LDB3: variants seen among roughly 807,000 people sequenced by gnomAD.
LDB3 encodes LIM domain binding 3, also known as LIM domain-binding protein 3.
Under a neutral mutation model 69.0 loss-of-function variants are expected in LDB3, and 49 were observed. The observed-to-expected ratio is 0.71, with a 90% CI of 0.56 to 0.90. The LOEUF (loss-of-function observed/expected upper bound fraction) is 0.90. Among genes scored for constraint, LDB3 ranks in the 40% least tolerant of loss-of-function variants. The pLI is 0.00. For missense variants in LDB3, 928 were observed against 974.1 expected, an observed-to-expected ratio of 0.95 and a Z score of 0.63; for synonymous variants, 387 against 396.2, an observed-to-expected ratio of 0.98 and a Z score of 0.28.
chr10:86,672,945 G>A (rs1564628870), intron 2 of LDB3, among the ~76,000 whole-genome samples: 1 of 152,212 alleles, frequency 6.6e-6, no homozygotes, highest in African/African-American at 2.4e-5. Flanking sequence ...AGGCTCTGCT[G>A]GGGGCTAGCT....
intron 8 of LDB3, among the ~76,000 whole-genome samples, chr10:86,708,090 A>G (rs1371541544): frequency 1.3e-5 from 2 of 152,246 alleles, no homozygotes; most frequent in Non-Finnish European, 2.9e-5. Context: ...GGCAGGCACC[A>G]GCACCAGGCT....
chr10:86,707,699 G>A (rs1432713584), intron 8 of LDB3, among the ~76,000 whole-genome samples: 1 of 152,182 alleles, frequency 6.6e-6, no homozygotes, highest in Admixed American at 6.5e-5. Context: ...GGTCCATGGT[G>A]CAGCCTGAGG....
chr10:86,670,870 G>A (rs1350206727), intron 2 of LDB3, among the ~76,000 whole-genome samples: 2 of 152,216 alleles, frequency 1.3e-5, no homozygotes, highest in Non-Finnish European at 2.9e-5. Flanking sequence ...AGAAATTTTG[G>A]TGGTAGGCTG....
At chr10:86,681,333 C>T in intron 4 of LDB3, 103 bp from the exon 5 acceptor site, 1 of 1,542,608 alleles carries the variant, frequency 6.5e-7, no homozygotes, top group Non-Finnish European at 8.8e-7. Flanking sequence ...GGCTGCGGGG[C>T]TCGCGCTAAC....
chr10:86,677,631 G>A (rs1054740087), intron 2 of LDB3, among the ~76,000 whole-genome samples: 1 of 152,194 alleles, frequency 6.6e-6, no homozygotes, highest in Non-Finnish European at 1.5e-5. Context: ...CATTCTGTGT[G>A]GTTACACTGA....
At chr10:86,675,030 G>T (rs114576982) in intron 2 of LDB3, among the ~76,000 whole-genome samples, 1 of 152,140 alleles carries the variant, frequency 6.6e-6, no homozygotes, top group African/African-American at 2.4e-5. Flanking sequence ...CCTACTCAGG[G>T]CAGCCAAAGG....
At chr10:86,669,975 G>T (rs1347383152) in intron 2 of LDB3, among the ~76,000 whole-genome samples, 7 of 152,234 alleles carry the variant, frequency 4.6e-5, no homozygotes, top group Admixed American at 4.6e-4. Flanking sequence ...TGGCAGAGGG[G>T]CCAGGGAACC....
At chr10:86,682,930 T>A (rs1424085829) in intron 5 of LDB3, among the ~76,000 whole-genome samples, 1 of 150,994 alleles carries the variant, frequency 6.6e-6, no homozygotes, top group Non-Finnish European at 1.5e-5. Context: ...CCTGTGGCCC[T>A]CAGCTTCCCC....
intron 10 of LDB3, among the ~76,000 whole-genome samples, chr10:86,717,568 G>T (rs907674106): frequency 1.1e-4 from 17 of 152,212 alleles, no homozygotes; most frequent in African/African-American, 4.1e-4. Context: ...TACCTAGTGC[G>T]TAGGATTGTT....
In LDB3 at chr10:86,733,923, C is replaced by G. The variant is rs1589692453; in HGVS notation, c.*947C>G. 2.0e-5 allele frequency: 3 copies of G among 152,346 alleles called. No homozygotes were observed. Among genetic ancestry groups the G allele is most frequent in the South Asian group, 2.1e-4 (1 of 4,824 alleles). The allele number at this position is 152,346 out of a possible 1,614,324, so 9.4% of individuals were successfully genotyped here. On this transcript the variant is annotated 3_prime_UTR_variant, in exon 14 of 14. Coordinates refer to ENST00000361373, the MANE Select transcript of LDB3 (RefSeq NM_007078.3). ...CTTATGACGTCTCCCCCAGTACCCT[C>G]CATCTCAAATAGGCTTGGTGGCCTG...
intron 4 of LDB3, 92 bp from the exon 5 acceptor site, chr10:86,681,344 A>C: frequency 6.4e-7 from 1 of 1,569,406 alleles, no homozygotes; most frequent in Non-Finnish European, 8.7e-7. Flanking sequence ...TCGCGCTAAC[A>C]CATCTGTTTC....
Position 86,734,299 on chromosome 10 carries a change from T to C in LDB3, c.*1323T>C, listed in dbSNP as rs965023512. On this transcript the variant is annotated 3_prime_UTR_variant, in exon 14 of 14. Transcript: ENST00000361373. ...GGGCCTTCAAACTACTTTATACTAG[T>C]GATAGTTTGAGTTAGGTAAGCATCT... 6 of 152,206 alleles carry C rather than the reference T, an allele frequency of 3.9e-5. No individual in the cohort carries two copies. Among genetic ancestry groups the C allele is most frequent in the Non-Finnish European group, 1.5e-5 (1 of 68,028 alleles). The allele number at this position is 152,206 out of a possible 1,614,324, so 9.4% of individuals were successfully genotyped here. A position where few individuals can be genotyped will look rare whatever the true frequency, so the allele number is the denominator to read the frequency against.
In LDB3 at chr10:86,699,130, C is replaced by A; in HGVS notation, c.896+6559C>A. 1.1e-6 allele frequency: 1 copy of A among 942,964 alleles called. No homozygotes were observed. Among genetic ancestry groups the A allele is most frequent in the Non-Finnish European group, 1.7e-6 (1 of 593,434 alleles). 58.4% of individuals were successfully genotyped at this position (942,964 alleles called of 1,614,324 possible). ...TTGCATAGCTTCTCCAAGCCCGTTC[C>A]CTCCCTCCCATGCCCTCTGCCCCAC... On this transcript the variant is annotated intron_variant, in intron 7 of 13. Coordinates refer to ENST00000361373, the MANE Select transcript of LDB3 (RefSeq NM_007078.3). The surrounding 1 kb of genome is among the most constrained non-coding windows in gnomAD (Gnocchi z 4.9).
intron 9 of LDB3, 21 bp from the exon 10 acceptor site, chr10:86,716,306 G>C: frequency 6.2e-7 from 1 of 1,611,620 alleles, no homozygotes; most frequent in African/African-American, 1.3e-5. Context: ...CCTTTCTTTG[G>C]GTTTTTTTTG....
At chr10:86,688,559 TC>T (rs771126200) in intron 5 of LDB3, among the ~76,000 whole-genome samples, 1 of 152,198 alleles carries the variant, frequency 6.6e-6, no homozygotes, top group Non-Finnish European at 1.5e-5. Flanking sequence ...CTGCTGCTCT[TC>T]GCCTAATTCT....
At chr10:86,682,140 A>G (rs915637002) in intron 5 of LDB3, among the ~76,000 whole-genome samples, 1 of 151,754 alleles carries the variant, frequency 6.6e-6, no homozygotes, top group African/African-American at 2.4e-5. Flanking sequence ...TCACTAGGCC[A>G]CTCCCCAGAA....
chr10:86,677,204 G>A (rs928914265), intron 2 of LDB3, among the ~76,000 whole-genome samples: 1 of 152,170 alleles, frequency 6.6e-6, no homozygotes, highest in African/African-American at 2.4e-5. Flanking sequence ...GATGTCATGG[G>A]GGTTGGGGAC....
At chr10:86,682,143 C>A (rs1244850752) in intron 5 of LDB3, among the ~76,000 whole-genome samples, 1 of 152,190 alleles carries the variant, frequency 6.6e-6, no homozygotes, top group Non-Finnish European at 1.5e-5. Flanking sequence ...CTAGGCCACT[C>A]CCCAGAACAG....
chr10:86,722,284 G>A (rs570097351), intron 12 of LDB3, among the ~76,000 whole-genome samples: 2 of 152,258 alleles, frequency 1.3e-5, no homozygotes, highest in South Asian at 4.1e-4. Context: ...TTTTTGAGAC[G>A]GAGTCTCGCT....
Sources: allele counts gnomAD v4.1 joint callset (sites outside exome capture counted in the v4.1 genomes callset), GRCh38; gene constraint gnomAD v4.1.1; non-coding constraint Gnocchi (gnomAD v3.1); transcripts MANE v1.5; gene names NCBI Gene and HGNC (gene_info 2026-07-23, HGNC 2026-07-21).